The following TJP2 variants were observed in gnomAD, a reference collection of about 807,000 sequenced individuals.
The protein encoded by TJP2 is tight junction protein 2.
In TJP2, 91 loss-of-function variants were observed where a neutral mutation model predicts 133.1. The ratio of observed to expected loss-of-function variants is 0.68; its 90% CI spans 0.58 to 0.81. TJP2 has a LOEUF of 0.81. Ranked by LOEUF, TJP2 falls within the 40% of genes least tolerant of loss-of-function variation. The pLI is 0.00. For missense variants in TJP2, 1,541 were observed against 1,565.6 expected (o/e 0.98, Z 0.26); for synonymous variants, 592 against 583.4 (o/e 1.01, Z -0.21).
Position 69,234,481 on chromosome 9 carries a change from G to T in TJP2, c.1714G>T (p.Val572Phe). 1 of 1,545,070 alleles carries T rather than the reference G, an allele frequency of 6.5e-7. No individual in the cohort carries two copies. The highest frequency in any genetic ancestry group is 8.7e-7 in the Non-Finnish European group (1 of 1,143,656). ...DFRGLVREDA[V>F]LYLLEIPKGE... ...CAGAGGATTAGTGCGGGAGGATGCC[G>T]TTCTCTACCTGTTAGAAATCCCTAA... Residue 572 changes from valine to phenylalanine, a missense_variant, in exon 12 of 23, where the codon GTT becomes TTT. Val to Phe is a conservative substitution (Grantham distance 50). Transcript: ENST00000377245.
In TJP2 at chr9:69,211,155, T is replaced by G. The variant is rs113689667; in HGVS notation, c.61-1393T>G. ...GAGTTTGAGACCAGCCTGATCAACA[T>G]GGTGAAGCCCCATCTCTACTAAAAT... On this transcript the variant is annotated intron_variant, in intron 1 of 22. Coordinates refer to ENST00000377245, the MANE Select transcript of TJP2 (RefSeq NM_004817.4). Among the ~76,000 whole-genome samples, 180 of 152,294 alleles carry G rather than the reference T, an allele frequency of 1.2e-3. 2 individuals carry two copies. The highest frequency in any genetic ancestry group is 4.2e-3 in the African/African-American group (176 of 41,568).
chr9:69,225,494 T>G, intron 6 of TJP2, 87 bp downstream of exon 6: 3 of 878,084 alleles, frequency 3.4e-6, no homozygotes, highest in Non-Finnish European at 3.8e-6. Flanking sequence ...CAGTGAGACT[T>G]AGATCCAGTG....
intron 1 of TJP2, among the ~76,000 whole-genome samples, chr9:69,142,147 G>GCACT (rs941135773): frequency 2.0e-5 from 3 of 152,232 alleles, no homozygotes; most frequent in African/African-American, 7.2e-5. Context: ...AAGGCAAGGG[G>GCACT]CACTGTAGCT....
chr9:69,138,896 GAC>G (rs1467370022), intron 1 of TJP2, among the ~76,000 whole-genome samples: 1 of 151,672 alleles, frequency 6.6e-6, no homozygotes, highest in Non-Finnish European at 1.5e-5. Flanking sequence ...CAGCCTGGGT[GAC>G]ACAGTGAGAT....
Position 69,228,005 on chromosome 9 carries a change from A to G in TJP2, c.1344A>G (p.Arg448=), listed in dbSNP as rs1829479764. 2 of 1,614,074 alleles carry G rather than the reference A, an allele frequency of 1.2e-6. No homozygotes were observed. The highest frequency in any genetic ancestry group is 1.7e-5 in the Admixed American group (1 of 59,996). The change falls in exon 9 of 23, where the codon AGA becomes AGG. Residue 448 remains arginine (R), a synonymous_variant. Transcript: ENST00000377245. ...RPSSREDTPS[R]LSRMGATPTP... is the part of the protein sequence containing the mutation. ...GTTCCAGAGAGGACACGCCGAGCAG[A>G]TTGTCCAGGATGGGTGCGACACCCA...
At chr9:69,230,310 G>T in intron 11 of TJP2, 78 bp downstream of exon 11, 1 of 1,585,944 alleles carries the variant, frequency 6.3e-7, no homozygotes, top group Non-Finnish European at 8.6e-7. Context: ...TGTAAGGGAA[G>T]ACAAAATGGT....
In TJP2 at chr9:69,163,170, C is replaced by T. The variant is rs1347528104; in HGVS notation, c.-10+11399C>T. 6.7e-5 allele frequency among the ~76,000 whole-genome samples: 7 copies of T among 104,430 alleles called. 2 individuals carry two copies. The highest frequency in any genetic ancestry group is 1.4e-4 in the African/African-American group (4 of 27,610). The allele number at this position is 104,430 out of a possible 152,430, so 68.5% of individuals were successfully genotyped here. ...CCTCCCAAGTAGCTGGGACTACAGG[C>T]GCCCGCCACTACGCCCGGCTAATTT... On this transcript the variant is annotated intron_variant, in intron 2 of 5. Coordinates refer to the TJP2 transcript ENST00000423935.
intron 1 of TJP2, among the ~76,000 whole-genome samples, chr9:69,199,154 ACCAGCCTAGG>A (rs146487004): frequency 0.066 from 10,048 of 152,256 alleles, 449 homozygotes; most frequent in East Asian, 0.23. Flanking sequence ...AGGTTTACCT[ACCAGCCTAGG>A]CCAGCTAGCT....
In TJP2 at chr9:69,125,248, C is replaced by T. The variant is rs1407080191; in HGVS notation, c.-131+3523C>T. 2.7e-5 allele frequency among the ~76,000 whole-genome samples: 2 copies of T among 73,054 alleles called. 1 individual carries two copies. Among genetic ancestry groups the T allele is most frequent in the Non-Finnish European group, 6.2e-5 (2 of 32,494 alleles). 47.9% of individuals were successfully genotyped at this position (73,054 alleles called of 152,430 possible). A position where few individuals can be genotyped will look rare whatever the true frequency, so the allele number is the denominator to read the frequency against. On this transcript the variant is annotated intron_variant, in intron 1 of 5. Coordinates refer to the TJP2 transcript ENST00000423935. ...GATTACAGGTGTGAGCCACTGCGCC[C>T]GGCCAAGTCAAAGTCTTTATACTAC... is the stretch of plus-strand genomic sequence containing the variant.
intron 1 of TJP2, among the ~76,000 whole-genome samples, chr9:69,141,681 T>A (rs1312641841): frequency 6.6e-6 from 1 of 152,122 alleles, no homozygotes; most frequent in Non-Finnish European, 1.5e-5. Context: ...AACCTCCACC[T>A]CCTGGTTCAA....
upstream of TJP2, chr9:69,174,105 C>T (rs906506989): frequency 6.8e-6 from 8 of 1,178,454 alleles, no homozygotes; most frequent in African/African-American, 1.3e-4. Flanking sequence ...CGAGCCCTTC[C>T]CCGGCAGGCG....
At chr9:69,214,823 G>C (rs967300285) in intron 2 of TJP2, among the ~76,000 whole-genome samples, 1 of 140,614 alleles carries the variant, frequency 7.1e-6, no homozygotes, top group African/African-American at 2.7e-5. Flanking sequence ...CAGTGAGCCA[G>C]CACCACTGCA....
upstream of TJP2, among the ~76,000 whole-genome samples, chr9:69,171,789 A>ATTTTTTTTTTTTTTTTTTTTTTTTT (rs34717893): frequency 1.2e-5 from 1 of 86,758 alleles, no homozygotes; most frequent in Non-Finnish European, 2.1e-5. Flanking sequence ...GAGTAGAAGA[A>ATTTTTTTTTTTTTTTTTTTTTTTTT]TTTTTTTTTT....
At chr9:69,161,868 T>C (rs1390013677) in intron 2 of TJP2, among the ~76,000 whole-genome samples, 1 of 150,006 alleles carries the variant, frequency 6.7e-6, no homozygotes, top group Non-Finnish European at 1.5e-5. Context: ...GCCAACATGG[T>C]GGAACCCTGT....
At chr9:69,165,183 C>T (rs1824283871) in intron 2 of TJP2, among the ~76,000 whole-genome samples, 1 of 152,142 alleles carries the variant, frequency 6.6e-6, no homozygotes, top group African/African-American at 2.4e-5. Context: ...GGCTGGAGGG[C>T]AGTGGCACAA....
intron 9 of TJP2, 141 bp downstream of exon 9, chr9:69,228,255 A>G: frequency 3.7e-6 from 4 of 1,072,772 alleles, no homozygotes; most frequent in Non-Finnish European, 5.5e-6. Context: ...TTAACATGGT[A>G]ACAGAAAACC....
At chr9:69,128,910 A>G (rs7019370) in intron 1 of TJP2, among the ~76,000 whole-genome samples, 113,217 of 152,142 alleles carry the variant, frequency 0.74, 42,466 homozygotes, top group African/African-American at 0.82. Flanking sequence ...GTTTTGAATA[A>G]ATTCTCCAGT....
chr9:69,234,308 G>A (rs1026603701), intron 11 of TJP2, 131 bp from the exon 12 acceptor site: 11 of 745,388 alleles, frequency 1.5e-5, no homozygotes, highest in Non-Finnish European at 2.4e-5. Context: ...GCTTTGCTCT[G>A]GACAGGCCCT....
intron 5 of TJP2, among the ~76,000 whole-genome samples, chr9:69,224,358 T>G (rs541122703): frequency 6.6e-6 from 1 of 152,308 alleles, no homozygotes; most frequent in Admixed American, 6.5e-5. Context: ...GAATTGTTTT[T>G]TTTTCTCCCC....
Sources: gnomAD v4.1 joint callset for allele counts (sites outside exome capture counted in the v4.1 genomes callset) on GRCh38, gnomAD v4.1.1 for gene constraint, MANE v1.5 for transcripts, NCBI Gene and HGNC (gene_info 2026-07-23, HGNC 2026-07-21) for gene names.